Variants in ALK observed in about 807,000 individuals in gnomAD.
ALK encodes the protein ALK receptor tyrosine kinase.
In ALK, 74 loss-of-function variants were observed where a neutral mutation model predicts 163.1. That is an observed-to-expected ratio of 0.45 (90% confidence interval 0.38 to 0.55). The LOEUF (loss-of-function observed/expected upper bound fraction) is 0.55, where lower values mean the gene tolerates loss of function less well. ALK is among the 20% of genes least tolerant of loss of function. ALK has a pLI of 0.00. For missense variants in ALK, 2,063 were observed against 2,105.3 expected, an observed-to-expected ratio of 0.98 and a Z score of 0.39; for synonymous variants, 960 against 843.2, an observed-to-expected ratio of 1.14 and a Z score of -2.40.
intron 1 of ALK, among the ~76,000 whole-genome samples, chr2:29,825,700 GATC>G (rs1326260056): frequency 7.1e-6 from 1 of 140,784 alleles, no homozygotes; most frequent in Non-Finnish European, 1.6e-5. Context: ...GTCTTGAAAA[GATC>G]ATTTTGTGTG....
chr2:29,227,115 C>T lies in ALK; in HGVS notation c.2915-41G>A, dbSNP rs1016471516. 6.2e-7 allele frequency: 1 copy of T among 1,613,710 alleles called. No homozygotes were observed. The stretch of plus-strand genomic sequence containing the variant: ...GAGGGTCAGTCTTGGGCCGAGCCTG[C>T]CTCCCCACTCCCAGCCTCAGTACTA... On this transcript the variant is annotated intron_variant, in intron 17 of 28. Transcript: ENST00000389048. This position sits in a 1 kb window ranked among gnomAD's most constrained non-coding sequence, Gnocchi z 4.4.
chr2:29,740,415 A>C (rs1279950708), intron 1 of ALK, among the ~76,000 whole-genome samples: 1 of 152,190 alleles, frequency 6.6e-6, no homozygotes, highest in African/African-American at 2.4e-5. Flanking sequence ...GACAGACATG[A>C]GGACAGTCAG....
At position 29,223,491 on chromosome 2, in the gene ALK, C is replaced by T. The variant is rs138178848; in HGVS notation, c.3210G>A (p.Gln1070=). The T allele has an allele frequency of 1.9e-5, 30 of 1,614,020 alleles. No homozygotes were observed. Among genetic ancestry groups the T allele is most frequent in the Non-Finnish European group, 2.5e-5 (29 of 1,180,048 alleles). The change falls in exon 20 of 29, where the codon CAG becomes CAA. Residue 1070 remains glutamine, a synonymous_variant. Coordinates refer to ENST00000389048, the MANE Select transcript of ALK (RefSeq NM_004304.5). The part of the protein sequence containing the change: ...RRKHQELQAM[Q]MELQSPEYKL... ...TGTACTCAGGGCTCTGCAGCTCCAT[C>T]TGCATGGCTTGCAGCTCCTGGTGCT...
chr2:29,802,689 C>T (rs1322590267), intron 1 of ALK, among the ~76,000 whole-genome samples: 1 of 151,624 alleles, frequency 6.6e-6, no homozygotes, highest in African/African-American at 2.4e-5. Context: ...TCTACCCATC[C>T]CCTTCTGCCA....
chr2:29,722,943 C>T (rs1465723216), intron 1 of ALK, among the ~76,000 whole-genome samples: 1 of 152,166 alleles, frequency 6.6e-6, no homozygotes, highest in African/African-American at 2.4e-5. Context: ...ATTCACACCC[C>T]ACATCAATTC....
At chr2:29,565,848 C>A (rs563939668) in intron 3 of ALK, among the ~76,000 whole-genome samples, 3 of 151,740 alleles carry the variant, frequency 2.0e-5, no homozygotes, top group African/African-American at 4.9e-5. Context: ...TTGATATTGG[C>A]GAGATTAAAT....
At chr2:29,296,371 C>T (rs371149876) in intron 9 of ALK, among the ~76,000 whole-genome samples, 8 of 152,322 alleles carry the variant, frequency 5.3e-5, no homozygotes, top group East Asian at 1.9e-4. Context: ...GTCCCAATTC[C>T]GATTCCAACT....
intron 3 of ALK, among the ~76,000 whole-genome samples, chr2:29,597,798 A>G (rs978798565): frequency 2.0e-5 from 3 of 152,192 alleles, no homozygotes; most frequent in African/African-American, 7.2e-5. Context: ...GAGACACAGA[A>G]TGGCCCCAGG....
intron 2 of ALK, among the ~76,000 whole-genome samples, chr2:29,695,265 A>T (rs1678520770): frequency 6.6e-6 from 1 of 152,204 alleles, no homozygotes; most frequent in Admixed American, 6.5e-5. Context: ...AAAGCTAACT[A>T]ACAGGTTGAA....
intron 11 of ALK, among the ~76,000 whole-genome samples, chr2:29,253,486 T>C (rs1664874743): frequency 1.3e-5 from 2 of 152,076 alleles, no homozygotes; most frequent in African/African-American, 4.8e-5. Flanking sequence ...ACTCTAAACA[T>C]GTGAGTGTGT....
intron 1 of ALK, among the ~76,000 whole-genome samples, chr2:29,720,780 G>A (rs1451887585): frequency 6.6e-6 from 1 of 152,140 alleles, no homozygotes; most frequent in East Asian, 1.9e-4. Context: ...TGCAGGGAAG[G>A]ATTTTCTAGC....
chr2:29,492,104 G>T (rs1467606857), intron 4 of ALK, among the ~76,000 whole-genome samples: 1 of 152,032 alleles, frequency 6.6e-6, no homozygotes, highest in Admixed American at 6.6e-5. Flanking sequence ...ATCATCCTGG[G>T]TCTGGCTCAA....
At chr2:29,322,210 G>A (rs1344666170) in intron 6 of ALK, among the ~76,000 whole-genome samples, 1 of 152,228 alleles carries the variant, frequency 6.6e-6, no homozygotes, top group Non-Finnish European at 1.5e-5. Flanking sequence ...GGCTGACAAA[G>A]AGGGCCCTAA....
chr2:29,743,142 G>C (rs1680107201), intron 1 of ALK, among the ~76,000 whole-genome samples: 1 of 152,198 alleles, frequency 6.6e-6, no homozygotes, highest in Non-Finnish European at 1.5e-5. Flanking sequence ...CTATCCATGG[G>C]TAGGAGCGGG....
chr2:29,858,578 CA>C (rs541691258), intron 1 of ALK, among the ~76,000 whole-genome samples: 2,313 of 130,286 alleles, frequency 0.018, 41 homozygotes, highest in African/African-American at 0.048. Flanking sequence ...ACTAAAAATA[CA>C]AAAAAAAAAA....
chr2:29,455,304 C>A (rs1336462868), intron 4 of ALK, among the ~76,000 whole-genome samples: 1 of 152,120 alleles, frequency 6.6e-6, no homozygotes, highest in Non-Finnish European at 1.5e-5. Flanking sequence ...AAGGCATTTG[C>A]CTTTTCTGAG....
intron 3 of ALK, among the ~76,000 whole-genome samples, chr2:29,692,516 A>T (rs1259461518): frequency 6.6e-6 from 1 of 152,238 alleles, no homozygotes; most frequent in Non-Finnish European, 1.5e-5. Context: ...TACTCAACCT[A>T]GAACCCTTGC....
rs117043094 is a variant in ALK, at chr2:29,763,744, G to T, written c.668-46047C>A. Among the ~76,000 whole-genome samples the T allele has an allele frequency of 7.1e-4, 108 of 152,236 alleles. 2 individuals are homozygous for T. The East Asian group carries it at 0.019, about 27-fold the overall frequency. ...AGTGCTCCACACTTAGTTATGATTT[G>T]TCTGAGGCCCCTGAGATTCCTGAAA... On this transcript the variant is annotated intron_variant, in intron 1 of 28. Transcript: ENST00000389048.
chr2:29,239,636 G>A (rs753050350), intron 13 of ALK, 44 bp downstream of exon 13: 22 of 1,610,906 alleles, frequency 1.4e-5, no homozygotes, highest in Middle Eastern at 1.8e-4. Context: ...CCTTCCCGGG[G>A]CCTGACAGAG....
Sources: gnomAD v4.1 joint callset for allele counts (sites outside exome capture counted in the v4.1 genomes callset) on GRCh38, gnomAD v4.1.1 for gene constraint, Gnocchi (gnomAD v3.1) non-coding constraint, MANE v1.5 for transcripts, NCBI Gene and HGNC (gene_info 2026-07-23, HGNC 2026-07-21) for gene names.